The following RANBP2 variants were observed in gnomAD, a reference collection of about 807,000 sequenced individuals.
RANBP2 encodes the protein E3 SUMO-protein ligase RanBP2.
In RANBP2, 57 loss-of-function variants were observed where a neutral mutation model predicts 303.6. The observed-to-expected ratio is 0.19, with a 90% CI of 0.15 to 0.23. RANBP2 has a LOEUF of 0.23. RANBP2 is among the 10% of genes least tolerant of loss of function. The pLI is 1.00. For synonymous variants in RANBP2, 1,167 were observed against 1,301.5 expected, an observed-to-expected ratio of 0.90 and a Z score of 2.23; for missense variants, 3,138 against 3,780.8, an observed-to-expected ratio of 0.83 and a Z score of 4.46.
the RANBP2 span, chr2:109,129,001 G>A: frequency 2.3e-6 from 1 of 425,994 alleles, no homozygotes; most frequent in Non-Finnish European, 4.7e-6. Flanking sequence ...CGCGGCCGAG[G>A]AAGAGGAACG....
At chr2:108,839,248 C>T in the RANBP2 span, 3 of 1,612,474 alleles carry the variant, frequency 1.9e-6, no homozygotes, top group East Asian at 2.2e-5. Context: ...ACTTCACGAG[C>T]CTTTTGTAAA....
chr2:109,561,724 A>G, the RANBP2 span, among the ~76,000 whole-genome samples: 289 of 152,338 alleles, frequency 1.9e-3, 1 homozygote, highest in South Asian at 0.022. Flanking sequence ...CCTCAGGTCA[A>G]TAACGATCAC....
the RANBP2 span, among the ~76,000 whole-genome samples, chr2:109,626,124 C>T: frequency 0.17 from 26,328 of 152,180 alleles, 2,604 homozygotes; most frequent in African/African-American, 0.27. Context: ...CCTTCCTGTT[C>T]GTCCCTATTT....
chr2:109,677,348 G>T, the RANBP2 span, among the ~76,000 whole-genome samples: 1 of 152,156 alleles, frequency 6.6e-6, no homozygotes, highest in Non-Finnish European at 1.5e-5. Context: ...GGGGGCAGGG[G>T]GCTTGTGTTC....
At chr2:108,906,402 A>G in the RANBP2 span, 1 of 1,612,996 alleles carries the variant, frequency 6.2e-7, no homozygotes. Context: ...TCATCTCCAG[A>G]AAGGGGCAAC....
intron 25 of RANBP2, among the ~76,000 whole-genome samples, chr2:108,779,691 A>G (rs748243325): frequency 4.6e-5 from 7 of 152,230 alleles, no homozygotes; most frequent in Non-Finnish European, 1.0e-4. Flanking sequence ...GGACTTGGTC[A>G]TCTAAATTGA....
chr2:109,597,798 T>G, the RANBP2 span, among the ~76,000 whole-genome samples: 2 of 152,200 alleles, frequency 1.3e-5, no homozygotes, highest in African/African-American at 4.8e-5. Flanking sequence ...GAAAGTCTGG[T>G]GCTGCACCTT....
the RANBP2 span, among the ~76,000 whole-genome samples, chr2:109,028,523 T>C: frequency 6.6e-6 from 1 of 152,114 alleles, no homozygotes. Context: ...GCTGACACAC[T>C]GTATTTGAGG....
At chr2:108,776,608 A>G (rs555726090) in intron 24 of RANBP2, among the ~76,000 whole-genome samples, 1 of 152,274 alleles carries the variant, frequency 6.6e-6, no homozygotes, top group East Asian at 1.9e-4. Flanking sequence ...AACCTCATAC[A>G]TTTTCATATG....
the RANBP2 span, among the ~76,000 whole-genome samples, chr2:109,355,001 A>G: frequency 6.6e-6 from 1 of 152,244 alleles, no homozygotes; most frequent in Non-Finnish European, 1.5e-5. Context: ...GAAAGGTGAT[A>G]TAGTTTTTAG....
chr2:109,582,802 A>C, the RANBP2 span, among the ~76,000 whole-genome samples: 2 of 152,262 alleles, frequency 1.3e-5, no homozygotes, highest in Non-Finnish European at 2.9e-5. Flanking sequence ...AGTAACCAAG[A>C]CAGCATGGTT....
the RANBP2 span, among the ~76,000 whole-genome samples, chr2:109,409,072 T>C: frequency 6.6e-6 from 1 of 152,200 alleles, no homozygotes; most frequent in Admixed American, 6.5e-5. Context: ...CTTGTTGACG[T>C]TTTGAGATTT....
At chr2:109,633,548 C>T in the RANBP2 span, among the ~76,000 whole-genome samples, 2 of 152,158 alleles carry the variant, frequency 1.3e-5, no homozygotes, top group Non-Finnish European at 2.9e-5. Flanking sequence ...GAGGTATCAT[C>T]AGTGCTTGGG....
At chr2:108,795,813 G>A in the RANBP2 span, among the ~76,000 whole-genome samples, 2 of 152,098 alleles carry the variant, frequency 1.3e-5, no homozygotes, top group South Asian at 4.1e-4. Context: ...AGCCTGTCTG[G>A]AAGAAAGAAA....
At chr2:108,988,128 A>G in the RANBP2 span, among the ~76,000 whole-genome samples, 2 of 152,146 alleles carry the variant, frequency 1.3e-5, no homozygotes, top group African/African-American at 2.4e-5. Context: ...GGGATTGCCC[A>G]CTGACCGGCA....
the RANBP2 span, among the ~76,000 whole-genome samples, chr2:108,811,671 T>C: frequency 6.6e-6 from 1 of 152,168 alleles, no homozygotes. Context: ...CATGGATATA[T>C]TGTGTAACAG....
chr2:108,964,217 G>A, the RANBP2 span, among the ~76,000 whole-genome samples: 2 of 152,284 alleles, frequency 1.3e-5, no homozygotes, highest in African/African-American at 2.4e-5. Context: ...TATAGATGGG[G>A]CACGTTTTTT....
the RANBP2 span, among the ~76,000 whole-genome samples, chr2:109,222,573 T>C: frequency 6.6e-6 from 1 of 152,178 alleles, no homozygotes; most frequent in Non-Finnish European, 1.5e-5. Context: ...GAGCAGGCCC[T>C]GGGCTTAGCC....
chr2:108,807,114 A>G, the RANBP2 span, among the ~76,000 whole-genome samples: 2 of 152,248 alleles, frequency 1.3e-5, no homozygotes, highest in Non-Finnish European at 2.9e-5. Flanking sequence ...AGAATTGCAT[A>G]ACTGAGAATG....
Sources: allele counts gnomAD v4.1 joint callset (sites outside exome capture counted in the v4.1 genomes callset), GRCh38; gene constraint gnomAD v4.1.1; transcripts MANE v1.5; gene names NCBI Gene and HGNC (gene_info 2026-07-23, HGNC 2026-07-21).